The following DMD variants were observed in gnomAD, a reference collection of about 807,000 sequenced individuals.
DMD encodes mutant dystrophin.
In DMD, 63 loss-of-function variants were observed where a neutral mutation model predicts 330.1. The observed-to-expected ratio is 0.19, with a 90% confidence interval of 0.16 to 0.24. The LOEUF (loss-of-function observed/expected upper bound fraction) is 0.24, where lower values mean the gene tolerates loss of function less well. Among genes scored for constraint, DMD ranks in the 10% least tolerant of loss-of-function variants. DMD has a pLI of 1.00. For synonymous variants in DMD, 1,223 were observed against 959.8 expected (o/e 1.27, Z -5.07); for missense variants, 3,344 against 2,684.1 (o/e 1.25, Z -5.43).
rs186975607 is a variant in DMD, at chrX:31,839,991, C to T, written c.7099-3172G>A. On this transcript the variant is annotated intron_variant, in intron 48 of 78. Transcript: ENST00000357033. ...TATGAGTATTAAAACCTGTGATGTA[C>T]TAGCATGGAAAAGCTCATCTTTCCT... Among the ~76,000 whole-genome samples the T allele has an allele frequency of 2.3e-3, 255 of 111,456 alleles. 3 individuals carry two copies. The highest frequency in any genetic ancestry group is 9.2e-4 in the Non-Finnish European group (49 of 53,032).
intron 57 of DMD, among the ~76,000 whole-genome samples, chrX:31,494,195 G>A (rs1372389083): frequency 6.5e-5 from 7 of 108,249 alleles, no homozygotes; most frequent in African/African-American, 2.3e-4. Flanking sequence ...GTGATGTCTT[G>A]GTAGTGGAAG....
chrX:31,238,518 A>G (rs2047949129), intron 63 of DMD, among the ~76,000 whole-genome samples: 1 of 111,894 alleles, frequency 8.9e-6, no homozygotes, highest in Non-Finnish European at 1.9e-5. Flanking sequence ...TTCGCTGAGC[A>G]CTCAAGGGCA....
In DMD at chrX:31,821,529, GGAA is replaced by G. The variant is rs764907571; in HGVS notation, c.7201-1449_7201-1447del. Among the ~76,000 whole-genome samples the G allele has an allele frequency of 1.7e-3, 187 of 112,018 alleles. 1 individual carries two copies. Among genetic ancestry groups the G allele is most frequent in the Non-Finnish European group, 2.6e-3 (141 of 53,216 alleles). On this transcript the variant is annotated intron_variant, in intron 49 of 78. Transcript: ENST00000357033. ...AGCTACCAAGGGAATGGCAGGCAGA[GGAA>G]GAAGATGAACAGGACCTAGGTTTCT...
chrX:31,460,337 A>G (rs1452691345), intron 59 of DMD, among the ~76,000 whole-genome samples: 1 of 111,488 alleles, frequency 9.0e-6, no homozygotes. Flanking sequence ...AGGGGTGGAC[A>G]AAGTAAGTTA....
At chrX:32,771,343 TAAGTA>T (rs1477492206) in intron 7 of DMD, among the ~76,000 whole-genome samples, 3 of 111,504 alleles carry the variant, frequency 2.7e-5, no homozygotes, top group Non-Finnish European at 5.6e-5. Flanking sequence ...TGAAACTGAT[TAAGTA>T]AATGAAAGTT....
In DMD at chrX:31,774,179, A is replaced by G. The variant is rs201919981; in HGVS notation, c.7323T>C (p.Thr2441=). The G allele has an allele frequency of 1.4e-4, 174 of 1,202,475 alleles. No individual in the cohort carries two copies. The highest frequency in any genetic ancestry group is 1.9e-4 in the Non-Finnish European group (166 of 889,415). ...LTTIGASPTQ[T]VTLVTQPVVT... ...CCACAGGTTGTGTCACCAGAGTAAC[A>G]GTCTGAGTAGGAGCTAAAATATTTT... Residue 2441 remains threonine (T), a synonymous_variant, in exon 51 of 79, where the codon ACT becomes ACC. Coordinates refer to ENST00000357033, the MANE Select transcript of DMD (RefSeq NM_004006.3).
chrX:32,831,900 T>TTTA (rs2079186046), intron 4 of DMD, among the ~76,000 whole-genome samples: 1 of 111,213 alleles, frequency 9.0e-6, no homozygotes, highest in Non-Finnish European at 1.9e-5. Flanking sequence ...AACCATCATC[T>TTTA]TTATAATATA....
chrX:31,381,807 C>G (rs1216489405), intron 60 of DMD, among the ~76,000 whole-genome samples: 1 of 111,954 alleles, frequency 8.9e-6, no homozygotes, highest in Non-Finnish European at 1.9e-5. Flanking sequence ...TCGTGGAAAT[C>G]TATCCTCAAA....
chrX:32,732,102 G>C lies in DMD; in HGVS notation c.650-32809C>G, dbSNP rs201449107. 6.1e-4 allele frequency among the ~76,000 whole-genome samples: 68 copies of C among 111,796 alleles called. No individual in the cohort carries two copies. In the South Asian group the frequency reaches 6.8e-3, roughly 11 times the overall value. On this transcript the variant is annotated intron_variant, in intron 7 of 78. Coordinates refer to ENST00000357033, the MANE Select transcript of DMD (RefSeq NM_004006.3). ...GGAGCTGAAAACCAAGGCTAGAGAA[G>C]TACGTGAAGAATGCAGAAGCCTCAG...
At chrX:32,103,587 A>T (rs1475244121) in intron 44 of DMD, among the ~76,000 whole-genome samples, 1 of 112,279 alleles carries the variant, frequency 8.9e-6, no homozygotes, top group African/African-American at 3.2e-5. Context: ...TACTGTTTAT[A>T]AATGTTTTGC....
intron 39 of DMD, among the ~76,000 whole-genome samples, chrX:32,344,658 C>G (rs890333296): frequency 5.4e-5 from 6 of 111,149 alleles, no homozygotes; most frequent in South Asian, 3.8e-4. Flanking sequence ...GGTCATCAAT[C>G]TGAAACATCT....
chrX:32,251,216 A>C (rs2097262481), intron 43 of DMD, among the ~76,000 whole-genome samples: 2 of 110,930 alleles, frequency 1.8e-5, no homozygotes, highest in Admixed American at 1.9e-4. Context: ...AGTTCCTCAA[A>C]GATTTGTCCT....
chrX:31,638,568 C>T (rs1433072328), intron 54 of DMD, among the ~76,000 whole-genome samples: 12 of 112,503 alleles, frequency 1.1e-4, no homozygotes, highest in Admixed American at 6.6e-4. Context: ...AAGAGTATAA[C>T]GAAAGACTTT....
intron 60 of DMD, among the ~76,000 whole-genome samples, chrX:31,382,917 A>T (rs1223747638): frequency 1.8e-5 from 2 of 111,870 alleles, no homozygotes; most frequent in Admixed American, 1.9e-4. Flanking sequence ...GAAGACAGGA[A>T]TGTCAGGCCT....
At chrX:31,525,181 A>T (rs1276464790) in intron 55 of DMD, among the ~76,000 whole-genome samples, 1 of 111,870 alleles carries the variant, frequency 8.9e-6, no homozygotes. Context: ...CATGGGGCGA[A>T]TAAAATCTTT....
chrX:32,194,532 T>G (rs189477219), intron 44 of DMD, among the ~76,000 whole-genome samples: 58 of 112,339 alleles, frequency 5.2e-4, no homozygotes, highest in Admixed American at 5.0e-3. Context: ...TTTCCTCTAT[T>G]CACTGCCGAG....
chrX:31,145,837 A>G (rs1277696135), intron 76 of DMD, among the ~76,000 whole-genome samples: 2 of 110,577 alleles, frequency 1.8e-5, no homozygotes, highest in Non-Finnish European at 3.8e-5. Context: ...TAATTTTTCT[A>G]TTTTTAGTAG....
At chrX:33,317,929 G>T (rs2053956422) in intron 1 of DMD, among the ~76,000 whole-genome samples, 1 of 111,586 alleles carries the variant, frequency 9.0e-6, no homozygotes, top group African/African-American at 3.3e-5. Context: ...AGTTTCTACA[G>T]AAGGGAACAT....
intron 62 of DMD, among the ~76,000 whole-genome samples, chrX:31,308,368 G>A (rs2055207366): frequency 9.0e-6 from 1 of 111,615 alleles, no homozygotes; most frequent in African/African-American, 3.3e-5. Flanking sequence ...AAGATTTATA[G>A]TTTATAGCAT....
Sources: gnomAD v4.1 joint callset for allele counts (sites outside exome capture counted in the v4.1 genomes callset) on GRCh38, gnomAD v4.1.1 for gene constraint, MANE v1.5 for transcripts, NCBI Gene and HGNC (gene_info 2026-07-23, HGNC 2026-07-21) for gene names.